ZC3H13: variants seen among roughly 807,000 people sequenced by gnomAD.
ZC3H13 encodes the protein zinc finger CCCH domain-containing protein 13.
In ZC3H13, 64 loss-of-function variants were observed where a neutral mutation model predicts 204.1. That is an observed-to-expected ratio of 0.31 (90% CI 0.26 to 0.39). The LOEUF is 0.39. Ranked by LOEUF, ZC3H13 falls within the 10% of genes least tolerant of loss-of-function variation. The pLI is 1.00. For missense variants in ZC3H13, 1,833 were observed against 2,082.7 expected, an observed-to-expected ratio of 0.88 and a Z score of 2.33; for synonymous variants, 667 against 693.7, an observed-to-expected ratio of 0.96 and a Z score of 0.60.
intron 7 of ZC3H13, among the ~76,000 whole-genome samples, chr13:46,005,387 G>A (rs2041062229): frequency 6.6e-6 from 1 of 151,992 alleles, no homozygotes; most frequent in African/African-American, 2.4e-5. Context: ...CATTTTTCCT[G>A]CTTTTCCAGG....
intron 4 of ZC3H13, among the ~76,000 whole-genome samples, chr13:46,026,698 A>G (rs990064083): frequency 1.3e-5 from 2 of 152,178 alleles, no homozygotes; most frequent in Non-Finnish European, 1.5e-5. Flanking sequence ...ATTCCATTAA[A>G]CAATTCTTAG....
chr13:45,994,255 C>T (rs76064775), intron 8 of ZC3H13, among the ~76,000 whole-genome samples: 31 of 152,144 alleles, frequency 2.0e-4, no homozygotes, highest in East Asian at 9.6e-4. Context: ...GTTAATCAAA[C>T]GTTTATGTTA....
intron 4 of ZC3H13, among the ~76,000 whole-genome samples, chr13:46,022,572 A>G (rs2042283803): frequency 6.6e-6 from 1 of 152,028 alleles, no homozygotes; most frequent in Admixed American, 6.5e-5. Flanking sequence ...CTTCTCTTAA[A>G]TCCAAACATA....
At position 45,981,395 on chromosome 13, in the gene ZC3H13, T is replaced by C. The variant is rs181708313; in HGVS notation, c.1721-1391A>G. Among the ~76,000 whole-genome samples, 993 of 152,292 alleles carry C rather than the reference T, an allele frequency of 6.5e-3. 8 individuals carry two copies. The highest frequency in any genetic ancestry group is 0.011 in the Non-Finnish European group (732 of 68,012). On this transcript the variant is annotated intron_variant, in intron 10 of 18. Coordinates refer to ENST00000679008, the MANE Select transcript of ZC3H13 (RefSeq NM_001330564.2). ...AATCCAGTCTATCACTGTTGGACATTTGGGTTGGTTCCAAGTCTTTGCTAT... is the reference window on the plus strand; with the variant it reads ...AATCCAGTCTATCACTGTTGGACATCTGGGTTGGTTCCAAGTCTTTGCTAT...
chr13:46,044,073 G>T (rs563561345), intron 3 of ZC3H13, among the ~76,000 whole-genome samples: 36 of 150,150 alleles, frequency 2.4e-4, no homozygotes, highest in African/African-American at 8.6e-4. Flanking sequence ...AATGTACAAT[G>T]TTTACGTGAA....
intron 10 of ZC3H13, 76 bp from the exon 11 acceptor site, chr13:45,980,080 T>C (rs1953424452): frequency 1.6e-6 from 2 of 1,228,598 alleles, no homozygotes; most frequent in Admixed American, 5.6e-5. Flanking sequence ...TAATCTTTCC[T>C]CCTAAACATC....
chr13:45,978,223 T>C (rs186253393), intron 11 of ZC3H13, among the ~76,000 whole-genome samples: 6 of 152,200 alleles, frequency 3.9e-5, no homozygotes, highest in Admixed American at 6.5e-5. Flanking sequence ...CTTTGTTTTT[T>C]TGGGTGGGGA....
intron 4 of ZC3H13, among the ~76,000 whole-genome samples, chr13:46,039,435 T>C (rs776047633): frequency 2.0e-5 from 3 of 152,230 alleles, no homozygotes; most frequent in African/African-American, 4.8e-5. Flanking sequence ...CATCATGGAA[T>C]AGTAAATCAT....
chr13:46,010,924 T>C (rs928940896), intron 6 of ZC3H13, among the ~76,000 whole-genome samples: 3 of 152,064 alleles, frequency 2.0e-5, no homozygotes, highest in Non-Finnish European at 4.4e-5. Context: ...AATAAAATTA[T>C]AATAACCACT....
rs1355014097 is a variant in ZC3H13, at chr13:45,975,294, TTCA to T, written c.2454_2456del (p.Asp818del). 6.2e-7 allele frequency: 1 copy of T among 1,606,668 alleles called. No individual in the cohort carries two copies. Among genetic ancestry groups the T allele is most frequent in the Non-Finnish European group, 8.5e-7 (1 of 1,175,432 alleles). ...ATAATTATTCTTACTTTGATTTTCT[TTCA>T]TCATGTCCATCTCTTGGATTCCTAT... On this transcript the variant is annotated inframe_deletion, in exon 12 of 19. Coordinates refer to ENST00000679008, the MANE Select transcript of ZC3H13 (RefSeq NM_001330564.2).
intron 4 of ZC3H13, 142 bp from the exon 5 acceptor site, chr13:46,020,699 G>A: frequency 1.7e-6 from 1 of 584,420 alleles, no homozygotes; most frequent in Non-Finnish European, 2.9e-6. Context: ...TATCCACTAA[G>A]TAGAGAAAGT....
At chr13:46,034,361 G>A (rs1179545232) in intron 4 of ZC3H13, among the ~76,000 whole-genome samples, 1 of 152,122 alleles carries the variant, frequency 6.6e-6, no homozygotes, top group African/African-American at 2.4e-5. Context: ...ATTCTTAATA[G>A]GTGAAAACTA....
chr13:45,976,204 A>C (rs1953034660), intron 11 of ZC3H13: 1 of 984,636 alleles, frequency 1.0e-6, no homozygotes, highest in African/African-American at 1.8e-5. Flanking sequence ...CTGTCCCCCC[A>C]GCAGGACCTG....
At position 46,000,787 on chromosome 13, in the gene ZC3H13, G is replaced by C. The variant is rs529297828; in HGVS notation, c.944+2352C>G. On this transcript the variant is annotated intron_variant, in intron 8 of 18. Transcript: ENST00000679008. ...ATCTAGCTTGCCACCTAAGTTTTCA[G>C]TATGCCTTCCTCACTAAGCTTAATC... Among the ~76,000 whole-genome samples, 12 of 152,272 alleles carry C rather than the reference G, an allele frequency of 7.9e-5. 1 individual carries two copies. The highest frequency in any genetic ancestry group is 2.9e-4 in the African/African-American group (12 of 41,538).
Position 45,957,066 on chromosome 13 carries a change from G to T in ZC3H13, c.*61C>A. The T allele has an allele frequency of 7.8e-7, 1 of 1,281,528 alleles. No homozygotes were observed. The highest frequency in any genetic ancestry group is 1.0e-6 in the Non-Finnish European group (1 of 998,398). 79.4% of individuals were successfully genotyped at this position (1,281,528 alleles called of 1,614,324 possible). A position where few individuals can be genotyped will look rare whatever the true frequency, so the allele number is the denominator to read the frequency against. ...AATGCTTGTCAAACCAAAGAACTTTGCAAAAGAATATGCACTGCTGAAGGA... is the reference window on the plus strand; with the variant it reads ...AATGCTTGTCAAACCAAAGAACTTTTCAAAAGAATATGCACTGCTGAAGGA... On this transcript the variant is annotated 3_prime_UTR_variant, in exon 19 of 19. Transcript: ENST00000679008.
At chr13:45,995,031 G>C (rs2040235356) in intron 8 of ZC3H13, among the ~76,000 whole-genome samples, 1 of 146,748 alleles carries the variant, frequency 6.8e-6, no homozygotes, top group Non-Finnish European at 1.5e-5. Flanking sequence ...AAAAAAAAAC[G>C]CCACCACCTG....
chr13:45,996,321 A>G (rs1175595589), intron 8 of ZC3H13, among the ~76,000 whole-genome samples: 4 of 152,222 alleles, frequency 2.6e-5, no homozygotes. Context: ...TTCAAAAATT[A>G]TCTTTCTGAC....
At chr13:46,033,902 C>T (rs936569617) in intron 4 of ZC3H13, among the ~76,000 whole-genome samples, 14 of 151,946 alleles carry the variant, frequency 9.2e-5, no homozygotes, top group Admixed American at 3.9e-4. Context: ...ACTGGGAAAA[C>T]GTATTTGCAA....
At chr13:46,013,239 C>T (rs953406081) in intron 5 of ZC3H13, among the ~76,000 whole-genome samples, 1 of 152,098 alleles carries the variant, frequency 6.6e-6, no homozygotes, top group Non-Finnish European at 1.5e-5. Flanking sequence ...CACGGTGAAA[C>T]CCCGTCTCTA....
Sources: gnomAD v4.1 joint callset for allele counts (sites outside exome capture counted in the v4.1 genomes callset) on GRCh38, gnomAD v4.1.1 for gene constraint, MANE v1.5 for transcripts, NCBI Gene and HGNC (gene_info 2026-07-23, HGNC 2026-07-21) for gene names.